HACD3: variants seen among roughly 807,000 people sequenced by gnomAD.
HACD3 encodes the protein very-long-chain (3R)-3-hydroxyacyl-CoA dehydratase 3.
In HACD3, 30 loss-of-function variants were observed where a neutral mutation model predicts 55.2. The ratio of observed to expected loss-of-function variants is 0.54; its 90% confidence interval spans 0.41 to 0.74. The LOEUF is 0.74. Among genes scored for constraint, HACD3 ranks in the 30% least tolerant of loss-of-function variants. The pLI, the probability that HACD3 is intolerant of heterozygous loss-of-function variation, is 0.00. For missense variants in HACD3, 363 were observed against 440.1 expected (o/e 0.82, Z 1.57); for synonymous variants, 141 against 151.7 (o/e 0.93, Z 0.52).
intron 1 of HACD3, among the ~76,000 whole-genome samples, chr15:65,539,130 A>G (rs978672782): frequency 1.3e-5 from 2 of 151,348 alleles, no homozygotes; most frequent in African/African-American, 4.9e-5. Flanking sequence ...AAATGATAGG[A>G]TACTGTTTCT....
intron 1 of HACD3, among the ~76,000 whole-genome samples, chr15:65,541,709 G>A (rs1422893490): frequency 5.3e-5 from 8 of 152,338 alleles, no homozygotes; most frequent in African/African-American, 1.4e-4. Context: ...TGGTCTCATA[G>A]TAACCTCAAG....
Position 65,556,819 on chromosome 15 carries a change from G to A in HACD3, c.285G>A (p.Lys95=). The change falls in exon 4 of 11, where the codon AAG becomes AAA. Residue 95 remains lysine, a synonymous_variant. Coordinates refer to ENST00000261875, the MANE Select transcript of HACD3 (RefSeq NM_016395.4). ...KVSQWWERLT[K]QEKRPLFLAP... is the part of the protein sequence containing the mutation. ...GTCAGTGGTGGGAGAGACTCACAAAGCAGGAAAAGCGACCACTGTTTTTGG... is the reference window on the plus strand; with the variant it reads ...GTCAGTGGTGGGAGAGACTCACAAAACAGGAAAAGCGACCACTGTTTTTGG... The A allele has an allele frequency of 6.2e-7, 1 of 1,612,544 alleles. No individual in the cohort carries two copies. Among genetic ancestry groups the A allele is most frequent in the Non-Finnish European group, 8.5e-7 (1 of 1,179,242 alleles).
At chr15:65,547,196 A>T (rs1319172302) in intron 1 of HACD3, among the ~76,000 whole-genome samples, 1 of 151,660 alleles carries the variant, frequency 6.6e-6, no homozygotes, top group African/African-American at 2.4e-5. Flanking sequence ...GGCTCACTGC[A>T]ACCTCCGCCT....
At chr15:65,551,766 T>C (rs763060077) in intron 2 of HACD3, 48 bp downstream of exon 2, 55 of 1,597,640 alleles carry the variant, frequency 3.4e-5, no homozygotes, top group Non-Finnish European at 4.7e-5. Flanking sequence ...GTTAAGGAGG[T>C]GTGGTGGTGG....
intron 1 of HACD3, among the ~76,000 whole-genome samples, chr15:65,548,634 G>A (rs567721744): frequency 4.6e-5 from 7 of 151,888 alleles, no homozygotes; most frequent in Non-Finnish European, 8.8e-5. Flanking sequence ...ATGCAGTGGT[G>A]CAATAAAAGC....
Position 65,576,693 on chromosome 15 carries a change from G to A in HACD3, c.*314G>A, listed in dbSNP as rs762999597. 1.6e-5 allele frequency: 5 copies of A among 309,472 alleles called. No individual in the cohort carries two copies. Among genetic ancestry groups the A allele is most frequent in the Non-Finnish European group, 3.0e-5 (5 of 167,962 alleles). The allele number at this position is 309,472 out of a possible 1,614,324, so 19.2% of individuals were successfully genotyped here. On this transcript the variant is annotated 3_prime_UTR_variant, in exon 11 of 11. Coordinates refer to ENST00000261875, the MANE Select transcript of HACD3 (RefSeq NM_016395.4). ...ATGCCAGAGATTTTTTTTTCAAAAA[G>A]TGCTTTATCCCTACAATGTACTGAC...
chr15:65,550,948 G>A (rs2072126141), intron 1 of HACD3: 1 of 152,220 alleles, frequency 6.6e-6, no homozygotes, highest in Non-Finnish European at 1.5e-5. Flanking sequence ...AAGGTATGTA[G>A]CAACTTCTGG....
intron 1 of HACD3, 23 bp from the exon 2 acceptor site, chr15:65,551,653 G>T: frequency 1.2e-6 from 2 of 1,613,810 alleles, no homozygotes; most frequent in Non-Finnish European, 1.7e-6. Flanking sequence ...ATGCCTTCTT[G>T]CATCCTTGGT....
At chr15:65,563,112 C>A (rs1448904981) in intron 6 of HACD3, among the ~76,000 whole-genome samples, 1 of 152,042 alleles carries the variant, frequency 6.6e-6, no homozygotes, top group Non-Finnish European at 1.5e-5. Context: ...TAGAGATGGT[C>A]AAAAATGGTT....
chr15:65,576,251 G>C, intron 10 of HACD3, 52 bp from the exon 11 acceptor site: 1 of 1,544,548 alleles, frequency 6.5e-7, no homozygotes, highest in Non-Finnish European at 8.7e-7. Flanking sequence ...AGAGCTTCTG[G>C]TTATAAATAG....
intron 1 of HACD3, among the ~76,000 whole-genome samples, chr15:65,542,891 T>C (rs1431691535): frequency 6.6e-6 from 1 of 151,788 alleles, no homozygotes; most frequent in Non-Finnish European, 1.5e-5. Context: ...CTGGCCAACA[T>C]GGGGAAACCC....
rs776633262 is a variant in HACD3, at chr15:65,577,980, C to G, written c.*1601C>G. On this transcript the variant is annotated 3_prime_UTR_variant, in exon 11 of 11. Transcript: ENST00000261875. ...TAAAAGAATTTAAGGAGTGATAGCT[C>G]TTTCTGTTCTGCCATTCCCAACATT... 1.3e-5 allele frequency: 2 copies of G among 152,536 alleles called. No homozygotes were observed. The highest frequency in any genetic ancestry group is 2.4e-5 in the African/African-American group (1 of 41,440). 9.4% of individuals were successfully genotyped at this position (152,536 alleles called of 1,614,324 possible). A position where few individuals can be genotyped will look rare whatever the true frequency, so the allele number is the denominator to read the frequency against.
intron 10 of HACD3, among the ~76,000 whole-genome samples, chr15:65,573,294 T>G (rs6494528): frequency 0.57 from 86,758 of 152,080 alleles, 27,484 homozygotes; most frequent in African/African-American, 0.85. Context: ...AGGATTTTTT[T>G]TTGTTGTTGT....
At chr15:65,561,219 C>G (rs914294731) in intron 5 of HACD3, among the ~76,000 whole-genome samples, 2 of 152,146 alleles carry the variant, frequency 1.3e-5, no homozygotes, top group Non-Finnish European at 2.9e-5. Context: ...GTAATCCCAG[C>G]ACTTTGGGAG....
intron 5 of HACD3, among the ~76,000 whole-genome samples, chr15:65,560,569 G>A (rs556721014): frequency 4.6e-5 from 7 of 152,242 alleles, no homozygotes; most frequent in South Asian, 2.1e-4. Context: ...AGACTGAGGC[G>A]GGAGGATCTT....
intron 9 of HACD3, 91 bp downstream of exon 9, chr15:65,571,745 G>A (rs1596220018): frequency 4.1e-6 from 4 of 969,392 alleles, no homozygotes; most frequent in East Asian, 2.6e-5. Flanking sequence ...GCCTTAGTCC[G>A]ATAAATGGAA....
chr15:65,561,662 G>GT (rs1294178178), intron 5 of HACD3, among the ~76,000 whole-genome samples: 4 of 152,164 alleles, frequency 2.6e-5, no homozygotes. Flanking sequence ...AAGTGGGTGG[G>GT]TTTTTTCCCC....
intron 7 of HACD3, among the ~76,000 whole-genome samples, chr15:65,567,128 C>A (rs1462859505): frequency 1.3e-5 from 2 of 151,664 alleles, no homozygotes; most frequent in African/African-American, 4.9e-5. Context: ...TTGGAGACCA[C>A]CCTTGGCAGC....
intron 1 of HACD3, among the ~76,000 whole-genome samples, chr15:65,544,236 T>C (rs1034329738): frequency 5.9e-5 from 9 of 151,856 alleles, no homozygotes; most frequent in Non-Finnish European, 1.0e-4. Context: ...AAAAAAGAAA[T>C]ATAGACCAGA....
Sources: allele counts gnomAD v4.1 joint callset (sites outside exome capture counted in the v4.1 genomes callset), GRCh38; gene constraint gnomAD v4.1.1; transcripts MANE v1.5; gene names NCBI Gene and HGNC (gene_info 2026-07-23, HGNC 2026-07-21).